Variants in GCLM observed in about 807,000 individuals in gnomAD.
GCLM encodes glutamate-cysteine ligase modifier subunit.
Under a neutral mutation model 36.0 loss-of-function variants are expected in GCLM, and 15 were observed. The ratio of observed to expected loss-of-function variants is 0.42; its 90% CI spans 0.28 to 0.64. The LOEUF (loss-of-function observed/expected upper bound fraction) is 0.64. Ranked by LOEUF, GCLM falls within the 30% of genes least tolerant of loss-of-function variation. The pLI is 0.25. For missense variants in GCLM, 242 were observed against 325.5 expected, an observed-to-expected ratio of 0.74 and a Z score of 1.97; for synonymous variants, 129 against 122.8, an observed-to-expected ratio of 1.05 and a Z score of -0.34.
chr1:93,894,669 C>G lies in GCLM; in HGVS notation c.600G>C (p.Leu200Phe), dbSNP rs774931705. 6.2e-7 allele frequency: 1 copy of G among 1,612,320 alleles called. No individual in the cohort carries two copies. Among genetic ancestry groups the G allele is most frequent in the Admixed American group, 1.7e-5 (1 of 59,994 alleles). The stretch of plus-strand genomic sequence containing the variant: ...TGTCAAATTGTTTAGCAAATGCAGT[C>G]AAATCTGGTGGCATCACACAGCAGG... ...LASCCVMPPD[L>F]TAFAKQFDIQ... Residue 200 changes from leucine to phenylalanine, a missense_variant, in exon 6 of 7, where the codon TTG becomes TTC. By Grantham distance (22) the Leu-to-Phe change is conservative (BLOSUM62 0). Coordinates refer to ENST00000370238, the MANE Select transcript of GCLM (RefSeq NM_002061.4).
chr1:93,897,495 G>C (rs1656774121), intron 4 of GCLM, among the ~76,000 whole-genome samples: 1 of 151,004 alleles, frequency 6.6e-6, no homozygotes, highest in South Asian at 2.1e-4. Context: ...GCTAAAAACA[G>C]ATATACTTGG....
At chr1:93,897,559 C>G (rs1291034290) in intron 4 of GCLM, among the ~76,000 whole-genome samples, 1 of 150,620 alleles carries the variant, frequency 6.6e-6, no homozygotes, top group Non-Finnish European at 1.5e-5. Flanking sequence ...TATTTCACCT[C>G]TAGTACTAAA....
intron 2 of GCLM, among the ~76,000 whole-genome samples, chr1:93,902,097 TTTTAA>T (rs1166016799): frequency 7.1e-6 from 1 of 140,466 alleles, no homozygotes; most frequent in African/African-American, 2.9e-5. Flanking sequence ...TTCTTTTACT[TTTTAA>T]TTTATTTGGA....
In GCLM at chr1:93,909,180, G is replaced by A. The variant is rs1450014245; in HGVS notation, c.-17C>T. 6.4e-6 allele frequency: 8 copies of A among 1,243,844 alleles called. No individual in the cohort carries two copies. The highest frequency in any genetic ancestry group is 8.0e-6 in the Non-Finnish European group (8 of 995,808). 77.1% of individuals were successfully genotyped at this position (1,243,844 alleles called of 1,614,324 possible). ...GGTGCCCATGGCAGCGGCCGCCCAGGGGCCGCGCAGCGAAGGGGCTGCGGG... is the reference window on the plus strand; with the variant it reads ...GGTGCCCATGGCAGCGGCCGCCCAGAGGCCGCGCAGCGAAGGGGCTGCGGG... On this transcript the variant is annotated 5_prime_UTR_variant, in exon 1 of 7. Coordinates refer to ENST00000370238, the MANE Select transcript of GCLM (RefSeq NM_002061.4).
At position 93,889,009 on chromosome 1, in the gene GCLM, G is replaced by A. The variant is rs1366632100; in HGVS notation, c.806C>T (p.Ala269Val). 1.3e-6 allele frequency: 2 copies of A among 1,591,000 alleles called. No homozygotes were observed. Among genetic ancestry groups the A allele is most frequent in the Non-Finnish European group, 1.7e-6 (2 of 1,169,758 alleles). Residue 269 changes from alanine (A) to valine (V), a missense_variant, in exon 7 of 7, where the codon GCT (alanine) becomes GTT (valine). Physicochemically the swap from Ala to Val is moderately conservative, Grantham distance 64. Transcript: ENST00000370238. ...IIKSKGYILQ[A>V]KRRGS ...AGTCAGTTAAGAACCCCTTCTTTTA[G>A]CTTGTAAAATGTAGCCTTTTGATTT...
intron 6 of GCLM, among the ~76,000 whole-genome samples, chr1:93,891,414 A>AT (rs2100906649): frequency 6.6e-6 from 1 of 152,244 alleles, no homozygotes; most frequent in Admixed American, 6.5e-5. Context: ...CAGGTCTCTG[A>AT]TTAACATTCC....
chr1:93,889,466 A>G (rs1021923686), intron 6 of GCLM, among the ~76,000 whole-genome samples: 3 of 150,622 alleles, frequency 2.0e-5, no homozygotes, highest in Non-Finnish European at 4.4e-5. Flanking sequence ...CAGGGAAAAT[A>G]CAGGAAAGTC....
At chr1:93,897,198 A>G (rs1228497358) in intron 4 of GCLM, among the ~76,000 whole-genome samples, 2 of 152,212 alleles carry the variant, frequency 1.3e-5, no homozygotes, top group Non-Finnish European at 2.9e-5. Context: ...GCTCACTACT[A>G]TCGCATATGG....
At chr1:93,907,474 T>TACA (rs1657185564) in intron 1 of GCLM, among the ~76,000 whole-genome samples, 1 of 152,206 alleles carries the variant, frequency 6.6e-6, no homozygotes, top group Non-Finnish European at 1.5e-5. Flanking sequence ...ATACTGATTA[T>TACA]ACAACTATTA....
rs1483496376 is a variant in GCLM at position 93,897,860 on chromosome 1, TTGA to T, written c.313_315del (p.Ser105del). 3.2e-6 allele frequency: 5 copies of T among 1,553,994 alleles called. 1 individual carries two copies. The African/African-American group carries it at 4.2e-5, about 13-fold the overall frequency. ...TTACCCATGTCAACTGCACTTCTAG[TTGA>T]TGATGAAGAGTTTGATTCTACAATG... On this transcript the variant is annotated inframe_deletion, in exon 4 of 7. Coordinates refer to ENST00000370238, the MANE Select transcript of GCLM (RefSeq NM_002061.4).
rs1365492915 is a variant in GCLM, at chr1:93,909,077, GC to G, written c.86del (p.Gly29AlafsTer23). 6.8e-7 allele frequency: 1 copy of G among 1,474,950 alleles called. No individual in the cohort carries two copies. The allele number at this position is 1,474,950 out of a possible 1,614,324, so 91.4% of individuals were successfully genotyped here. Reference sequence around the variant, plus strand: ...TGGACGGGCACTTCTTCCGCAGGCGGCCCCAGTTCAGCAGGTTCCCCGTCTG... The same window carrying G: ...TGGACGGGCACTTCTTCCGCAGGCGGCCCAGTTCAGCAGGTTCCCCGTCTG... ...HLQTGNLLNW[G>X]RLRKKCPSTH... On this transcript the variant is annotated frameshift_variant, in exon 1 of 7. Coordinates refer to ENST00000370238, the MANE Select transcript of GCLM (RefSeq NM_002061.4). LOFTEE classifies it high-confidence loss of function.
At chr1:93,897,102 G>C (rs1391174516) in intron 4 of GCLM, among the ~76,000 whole-genome samples, 1 of 152,072 alleles carries the variant, frequency 6.6e-6, no homozygotes, top group East Asian at 1.9e-4. Flanking sequence ...TCTTTCTAGG[G>C]AACAAAATTT....
intron 6 of GCLM, among the ~76,000 whole-genome samples, chr1:93,893,792 T>C (rs958483531): frequency 6.6e-6 from 1 of 152,182 alleles, no homozygotes; most frequent in Non-Finnish European, 1.5e-5. Context: ...TCTTACAAAA[T>C]GTTGTAAAAA....
rs147209931 is a variant in GCLM at position 93,905,583 on chromosome 1, T to C, written c.127-995A>G. ...AACATTTAGGTGCACCTCTAACCTA[T>C]CTTCCATGTTTTCTTAGATAAACAA... On this transcript the variant is annotated intron_variant, in intron 1 of 6. Coordinates refer to ENST00000370238, the MANE Select transcript of GCLM (RefSeq NM_002061.4). Among the ~76,000 whole-genome samples, 805 of 152,284 alleles carry C rather than the reference T, an allele frequency of 5.3e-3. 1 individual carries two copies. The highest frequency in any genetic ancestry group is 0.018 in the African/African-American group (761 of 41,528).
intron 3 of GCLM, 76 bp from the exon 4 acceptor site, chr1:93,897,974 A>G (rs1486939320): frequency 1.6e-6 from 1 of 616,526 alleles, no homozygotes; most frequent in Non-Finnish European, 2.7e-6. Context: ...TAACACTACT[A>G]TAATACTAAG....
chr1:93,908,472 C>G (rs771761932), intron 1 of GCLM, among the ~76,000 whole-genome samples: 2 of 152,188 alleles, frequency 1.3e-5, no homozygotes, highest in South Asian at 4.1e-4. Context: ...TACATAGACG[C>G]ACAGATAAGT....
chr1:93,891,984 T>C lies in GCLM; in HGVS notation c.655+2630A>G, dbSNP rs556526102. Among the ~76,000 whole-genome samples, 16 of 152,324 alleles carry C rather than the reference T, an allele frequency of 1.1e-4. 1 individual carries two copies. The highest frequency in any genetic ancestry group is 3.6e-4 in the African/African-American group (15 of 41,572). ...GGTAAGTTGGCCAAGGTCACACCAC[T>C]AGTAAATGGTAGTTTTCATATATAG... On this transcript the variant is annotated intron_variant, in intron 6 of 6. Coordinates refer to ENST00000370238, the MANE Select transcript of GCLM (RefSeq NM_002061.4).
rs769617184 is a variant in GCLM at position 93,889,043 on chromosome 1, C to T, written c.772G>A (p.Gly258Arg). ...LRYSVIVKSR[G>R]IIKSKGYILQ... is the part of the protein sequence containing the mutation. ...ATGTAGCCTTTTGATTTGATAATTC[C>T]TCTACTTTTCACAATGACCGAATAC... Residue 258 changes from glycine to arginine, a missense_variant, in exon 7 of 7, where the codon GGA becomes AGA. Transcript: ENST00000370238. 2.1e-5 allele frequency: 33 copies of T among 1,601,960 alleles called. No homozygotes were observed.
At chr1:93,893,380 C>T (rs1207682527) in intron 6 of GCLM, among the ~76,000 whole-genome samples, 1 of 152,170 alleles carries the variant, frequency 6.6e-6, no homozygotes, top group Non-Finnish European at 1.5e-5. Context: ...TCCTCCATCT[C>T]CCCCTCCTCT....
Sources: gnomAD v4.1 joint callset for allele counts (sites outside exome capture counted in the v4.1 genomes callset) on GRCh38, gnomAD v4.1.1 for gene constraint, MANE v1.5 for transcripts, NCBI Gene and HGNC (gene_info 2026-07-23, HGNC 2026-07-21) for gene names.